Variants in BCKDHB observed in about 807,000 individuals in gnomAD.
BCKDHB encodes the protein 2-oxoisovalerate dehydrogenase subunit beta, mitochondrial.
In BCKDHB, 41 loss-of-function variants were observed where a neutral mutation model predicts 48.5. The ratio of observed to expected loss-of-function variants is 0.85; its 90% CI spans 0.66 to 1.10. The LOEUF (loss-of-function observed/expected upper bound fraction) is 1.10. Among genes scored for constraint, BCKDHB ranks in the 50% least tolerant of loss-of-function variants. The pLI is 0.00. For synonymous variants in BCKDHB, 201 were observed against 174.8 expected (o/e 1.15, Z -1.18); for missense variants, 496 against 494.2 (o/e 1.00, Z -0.03).
chr6:80,283,140 T>G (rs1411397339), intron 9 of BCKDHB, among the ~76,000 whole-genome samples: 1 of 152,122 alleles, frequency 6.6e-6, no homozygotes, highest in Non-Finnish European at 1.5e-5. Flanking sequence ...TCATTGCTCT[T>G]ATTACAGAAG....
In BCKDHB at chr6:80,187,302, G is replaced by T. The variant is rs114976630; in HGVS notation, c.743-13632G>T. Among the ~76,000 whole-genome samples the T allele has an allele frequency of 2.7e-3, 412 of 152,102 alleles. 2 individuals are homozygous for T. Among genetic ancestry groups the T allele is most frequent in the African/African-American group, 9.2e-3 (381 of 41,466 alleles). On this transcript the variant is annotated intron_variant, in intron 6 of 9. Coordinates refer to ENST00000320393, the MANE Select transcript of BCKDHB (RefSeq NM_183050.4). ...AGTAAATGCTTAATACATTTTAATGGTGTTATTAAAAGTTGTTGCTATTAT... is the reference window on the plus strand; with the variant it reads ...AGTAAATGCTTAATACATTTTAATGTTGTTATTAAAAGTTGTTGCTATTAT...
At position 80,114,681 on chromosome 6, in the gene BCKDHB, G is replaced by T. The variant is rs543558459; in HGVS notation, c.196+7792G>T. ...GGGAACCTGGGTGGAGGGTAGTGCC[G>T]TTTGCTAAGATGGAAAAGATTAGTT... is the stretch of plus-strand genomic sequence containing the variant. On this transcript the variant is annotated intron_variant, in intron 1 of 9. Transcript: ENST00000320393. Among the ~76,000 whole-genome samples, 18 of 152,292 alleles carry T rather than the reference G, an allele frequency of 1.2e-4. No individual in the cohort carries two copies. In the South Asian group the frequency reaches 3.7e-3, roughly 32 times the overall value.
At chr6:80,124,343 G>A (rs1770217063) in intron 1 of BCKDHB, among the ~76,000 whole-genome samples, 1 of 152,204 alleles carries the variant, frequency 6.6e-6, no homozygotes, top group African/African-American at 2.4e-5. Context: ...TAAGTGTGAT[G>A]TAGTGCTGAG....
chr6:80,406,063 A>G, the BCKDHB span, among the ~76,000 whole-genome samples: 1 of 152,040 alleles, frequency 6.6e-6, no homozygotes, highest in African/African-American at 2.4e-5. Flanking sequence ...CCTATGAATG[A>G]GAACGTGCAG....
At chr6:80,287,751 C>T (rs1041642699) in intron 9 of BCKDHB, among the ~76,000 whole-genome samples, 15 of 152,122 alleles carry the variant, frequency 9.9e-5, no homozygotes, top group African/African-American at 3.4e-4. Flanking sequence ...TGGCTCCACC[C>T]CATTCCCCCT....
the BCKDHB span, among the ~76,000 whole-genome samples, chr6:80,447,264 C>G: frequency 6.6e-6 from 1 of 152,018 alleles, no homozygotes; most frequent in Non-Finnish European, 1.5e-5. Flanking sequence ...CTGTGAGGAT[C>G]AGATGCATGA....
chr6:80,120,570 G>T (rs1267428512), intron 1 of BCKDHB, among the ~76,000 whole-genome samples: 1 of 152,060 alleles, frequency 6.6e-6, no homozygotes, highest in Non-Finnish European at 1.5e-5. Context: ...GGTGTGAGAT[G>T]GTATCTCATT....
chr6:80,196,085 T>A (rs1452111003), intron 6 of BCKDHB, among the ~76,000 whole-genome samples: 1 of 152,180 alleles, frequency 6.6e-6, no homozygotes, highest in Non-Finnish European at 1.5e-5. Flanking sequence ...AATAGTGTGC[T>A]TCACAGGGAA....
downstream of BCKDHB, among the ~76,000 whole-genome samples, chr6:80,349,450 T>C (rs1770333632): frequency 6.6e-6 from 1 of 151,764 alleles, no homozygotes; most frequent in Non-Finnish European, 1.5e-5. Flanking sequence ...GAAAGAAAAA[T>C]AGGATAAAGC....
chr6:80,459,631 TACC>T, the BCKDHB span, among the ~76,000 whole-genome samples: 4 of 152,186 alleles, frequency 2.6e-5, no homozygotes, highest in Non-Finnish European at 5.9e-5. Context: ...TAAATGTTTT[TACC>T]ACATTAATAA....
intron 3 of BCKDHB, among the ~76,000 whole-genome samples, chr6:80,147,361 A>G (rs796265309): frequency 2.2e-4 from 33 of 152,306 alleles, no homozygotes; most frequent in African/African-American, 7.7e-4. Context: ...AGAAAATAGT[A>G]GTGATATATG....
At chr6:80,408,959 GA>G in the BCKDHB span, among the ~76,000 whole-genome samples, 1 of 152,046 alleles carries the variant, frequency 6.6e-6, no homozygotes, top group Non-Finnish European at 1.5e-5. Flanking sequence ...TATTTATTGT[GA>G]TGTTAAGGTG....
chr6:80,416,001 AG>A, the BCKDHB span, among the ~76,000 whole-genome samples: 3 of 151,396 alleles, frequency 2.0e-5, no homozygotes, highest in Non-Finnish European at 4.4e-5. Context: ...CTGTTTTGGG[AG>A]GGTGTATTTC....
the BCKDHB span, among the ~76,000 whole-genome samples, chr6:80,377,208 T>A: frequency 7.3e-6 from 1 of 136,738 alleles, no homozygotes; most frequent in South Asian, 2.3e-4. Context: ...GCCTAGCTAA[T>A]TTTTTGTATT....
At chr6:80,129,442 T>C (rs181647579) in intron 3 of BCKDHB, among the ~76,000 whole-genome samples, 1 of 152,314 alleles carries the variant, frequency 6.6e-6, no homozygotes, top group East Asian at 1.9e-4. Context: ...ACATACAGTG[T>C]AAATGATTCC....
the BCKDHB span, among the ~76,000 whole-genome samples, chr6:80,451,321 C>A: frequency 3.7e-4 from 56 of 152,182 alleles, no homozygotes; most frequent in African/African-American, 1.3e-3. Flanking sequence ...ATTTCTAATT[C>A]AACTTTTTAA....
intron 3 of BCKDHB, among the ~76,000 whole-genome samples, chr6:80,129,610 G>T (rs1398876836): frequency 6.6e-6 from 1 of 151,868 alleles, no homozygotes; most frequent in Admixed American, 6.6e-5. Context: ...TTATCTTTTC[G>T]GGAAGAGAGA....
intron 8 of BCKDHB, among the ~76,000 whole-genome samples, chr6:80,226,295 G>C (rs1775672841): frequency 6.6e-6 from 1 of 152,186 alleles, no homozygotes; most frequent in Non-Finnish European, 1.5e-5. Context: ...GAAGATTCTT[G>C]TGTTACAAGG....
chr6:80,171,415 T>C, intron 6 of BCKDHB, 25 bp downstream of exon 6: 1 of 1,394,660 alleles, frequency 7.2e-7, no homozygotes, highest in Non-Finnish European at 1.0e-6. Flanking sequence ...TATTTTATAT[T>C]TGTGAATATC....
Sources: gnomAD v4.1 joint callset for allele counts (sites outside exome capture counted in the v4.1 genomes callset) on GRCh38, gnomAD v4.1.1 for gene constraint, MANE v1.5 for transcripts, NCBI Gene and HGNC (gene_info 2026-07-23, HGNC 2026-07-21) for gene names.